The following MRTFA variants were observed in gnomAD, a reference collection of about 807,000 sequenced individuals.
The protein encoded by MRTFA is myocardin-related transcription factor A.
In MRTFA, 20 loss-of-function variants were observed where a neutral mutation model predicts 83.5. The observed-to-expected ratio is 0.24, with a 90% CI of 0.17 to 0.35. The LOEUF (loss-of-function observed/expected upper bound fraction) is 0.35. Among genes scored for constraint, MRTFA ranks in the 10% least tolerant of loss-of-function variants. The pLI, the probability that MRTFA is intolerant of heterozygous loss-of-function variation, is 1.00. For synonymous variants in MRTFA, 659 were observed against 541.2 expected (o/e 1.22, Z -3.02); for missense variants, 1,200 against 1,224.7 (o/e 0.98, Z 0.30).
intron 1 of MRTFA, among the ~76,000 whole-genome samples, chr22:40,633,064 C>G (rs943839699): frequency 6.6e-6 from 1 of 152,148 alleles, no homozygotes; most frequent in African/African-American, 2.4e-5. Flanking sequence ...AAACTACTCC[C>G]CAAGCCTATA....
chr22:40,596,864 A>ACT (rs1386958651), intron 1 of MRTFA, among the ~76,000 whole-genome samples: 1 of 151,818 alleles, frequency 6.6e-6, no homozygotes, highest in Non-Finnish European at 1.5e-5. Flanking sequence ...AATCCCAGCT[A>ACT]CTCGGGAGGC....
chr22:40,505,776 C>G (rs542588377), intron 3 of MRTFA, among the ~76,000 whole-genome samples: 2 of 152,174 alleles, frequency 1.3e-5, no homozygotes, highest in Admixed American at 6.5e-5. Context: ...ACAAGACAAC[C>G]AAACCTGCTG....
At chr22:40,413,342 A>ATTTTT (rs113118987) in intron 14 of MRTFA, among the ~76,000 whole-genome samples, 1 of 136,808 alleles carries the variant, frequency 7.3e-6, no homozygotes, top group South Asian at 2.4e-4. Context: ...TTTTACCACA[A>ATTTTT]TTTTTTTTTT....
intron 4 of MRTFA, among the ~76,000 whole-genome samples, chr22:40,436,894 A>AC (rs2053180579): frequency 6.6e-6 from 1 of 151,838 alleles, no homozygotes; most frequent in Non-Finnish European, 1.5e-5. Flanking sequence ...CATAGATAGG[A>AC]CCCTATCCTG....
intron 2 of MRTFA, among the ~76,000 whole-genome samples, chr22:40,564,923 T>TTACA (rs1457286888): frequency 8.5e-5 from 13 of 152,182 alleles, no homozygotes; most frequent in African/African-American, 3.1e-4. Flanking sequence ...AGTGCTAGGA[T>TTACA]TACAGGCATG....
intron 2 of MRTFA, chr22:40,587,875 G>T: frequency 2.4e-6 from 1 of 418,806 alleles, no homozygotes; most frequent in South Asian, 3.3e-5. Flanking sequence ...TGTGCAAGTT[G>T]GTGTGAACAA....
intron 4 of MRTFA, among the ~76,000 whole-genome samples, chr22:40,438,277 C>T (rs1569265147): frequency 2.0e-5 from 3 of 152,100 alleles, no homozygotes; most frequent in Admixed American, 6.6e-5. Flanking sequence ...GTATATGTGT[C>T]GATATATTCA....
At chr22:40,481,728 A>C (rs1602313769) in intron 3 of MRTFA, among the ~76,000 whole-genome samples, 1 of 152,304 alleles carries the variant, frequency 6.6e-6, no homozygotes, top group South Asian at 2.1e-4. Flanking sequence ...AAAGGCACTG[A>C]GAAAAGGCTT....
At chr22:40,487,084 T>C (rs73167079) in intron 3 of MRTFA, among the ~76,000 whole-genome samples, 12,415 of 152,248 alleles carry the variant, frequency 0.082, 790 homozygotes, top group East Asian at 0.24. Flanking sequence ...TGTTTGTGTG[T>C]GTATCACACA....
intron 3 of MRTFA, among the ~76,000 whole-genome samples, chr22:40,505,590 T>C (rs2054567051): frequency 6.6e-6 from 1 of 152,236 alleles, no homozygotes; most frequent in African/African-American, 2.4e-5. Context: ...GTCAACGTGA[T>C]AGTATTAGGA....
intron 3 of MRTFA, among the ~76,000 whole-genome samples, chr22:40,543,150 G>A (rs553384033): frequency 2.6e-5 from 4 of 152,188 alleles, no homozygotes; most frequent in South Asian, 4.2e-4. Flanking sequence ...TCAACTGGGC[G>A]ACCTAATCTA....
At chr22:40,436,952 G>A (rs576979980) in intron 4 of MRTFA, among the ~76,000 whole-genome samples, 2 of 152,230 alleles carry the variant, frequency 1.3e-5, no homozygotes, top group South Asian at 2.1e-4. Context: ...CCCAGCGGGG[G>A]GCTGGGCCTC....
intron 3 of MRTFA, among the ~76,000 whole-genome samples, chr22:40,504,962 G>C (rs1317697804): frequency 6.6e-6 from 1 of 152,130 alleles, no homozygotes; most frequent in Non-Finnish European, 1.5e-5. Flanking sequence ...TTATTTTGTA[G>C]CATAATGACT....
chr22:40,455,995 G>T (rs891506723), intron 4 of MRTFA, among the ~76,000 whole-genome samples: 3 of 152,000 alleles, frequency 2.0e-5, no homozygotes, highest in Non-Finnish European at 2.9e-5. Context: ...ATTTTTGTGT[G>T]TGTGTATTTT....
chr22:40,441,949 G>A (rs1405288960), intron 4 of MRTFA, among the ~76,000 whole-genome samples: 1 of 152,090 alleles, frequency 6.6e-6, no homozygotes, highest in Non-Finnish European at 1.5e-5. Context: ...AGGGGCCCCA[G>A]GGCCAGAATG....
At chr22:40,604,321 A>T (rs1253656468) in intron 1 of MRTFA, among the ~76,000 whole-genome samples, 2 of 151,758 alleles carry the variant, frequency 1.3e-5, no homozygotes. Flanking sequence ...TGGTAGAGAC[A>T]GGGTTTCACT....
intron 2 of MRTFA, among the ~76,000 whole-genome samples, chr22:40,567,400 G>GAT (rs1451030046): frequency 1.3e-5 from 2 of 152,114 alleles, no homozygotes; most frequent in African/African-American, 4.8e-5. Context: ...CTGAGTGACG[G>GAT]ATATTTAGAA....
intron 3 of MRTFA, among the ~76,000 whole-genome samples, chr22:40,513,254 C>A (rs1381984661): frequency 6.6e-6 from 1 of 152,204 alleles, no homozygotes; most frequent in East Asian, 1.9e-4. Flanking sequence ...AATTAACGGA[C>A]AAGAAGCAGA....
chr22:40,626,427 G>A (rs1044491470), intron 1 of MRTFA, among the ~76,000 whole-genome samples: 4 of 152,048 alleles, frequency 2.6e-5, no homozygotes, highest in Non-Finnish European at 5.9e-5. Flanking sequence ...AGAGTAGCTG[G>A]GATTATCGGT....
Sources: allele counts gnomAD v4.1 joint callset (sites outside exome capture counted in the v4.1 genomes callset), GRCh38; gene constraint gnomAD v4.1.1; transcripts MANE v1.5; gene names NCBI Gene and HGNC (gene_info 2026-07-23, HGNC 2026-07-21).